Variants in GSK3B observed in about 807,000 individuals in gnomAD.
GSK3B encodes the protein glycogen synthase kinase-3 beta.
Under a neutral mutation model 56.4 loss-of-function variants are expected in GSK3B, and 15 were observed. That is an observed-to-expected ratio of 0.27 (90% CI 0.18 to 0.41). GSK3B has a LOEUF of 0.41. Ranked by LOEUF, GSK3B falls within the 10% of genes least tolerant of loss-of-function variation. GSK3B has a pLI of 1.00. For missense variants in GSK3B, 300 were observed against 513.4 expected (o/e 0.58, Z 4.02); for synonymous variants, 181 against 188.9 (o/e 0.96, Z 0.34).
chr3:119,831,423 C>G (rs555921041), intron 10 of GSK3B, among the ~76,000 whole-genome samples: 7 of 151,922 alleles, frequency 4.6e-5, no homozygotes, highest in Non-Finnish European at 8.8e-5. Context: ...TTTGGGAGGC[C>G]GAGGTGGGCG....
At chr3:120,046,333 C>G (rs1415003836) in intron 1 of GSK3B, among the ~76,000 whole-genome samples, 1 of 152,118 alleles carries the variant, frequency 6.6e-6, no homozygotes, top group Non-Finnish European at 1.5e-5. Flanking sequence ...AAATGTACCA[C>G]AGCATTGCAA....
chr3:119,827,061 G>A (rs868178193), intron 10 of GSK3B, among the ~76,000 whole-genome samples: 2 of 152,152 alleles, frequency 1.3e-5, no homozygotes, highest in African/African-American at 2.4e-5. Flanking sequence ...TCCTGGTACC[G>A]GGAAGACAGT....
At chr3:119,835,517 C>T (rs1338974440) in intron 10 of GSK3B, among the ~76,000 whole-genome samples, 1 of 152,088 alleles carries the variant, frequency 6.6e-6, no homozygotes, top group Non-Finnish European at 1.5e-5. Context: ...ATAGCCTAAG[C>T]CCATTTTTTA....
chr3:119,958,325 A>G (rs1420108980), intron 2 of GSK3B, among the ~76,000 whole-genome samples: 3 of 149,810 alleles, frequency 2.0e-5, no homozygotes, highest in African/African-American at 7.4e-5. Context: ...GTGAGAATGG[A>G]CTAACACAGA....
chr3:120,033,281 G>A (rs2057993368), intron 1 of GSK3B, among the ~76,000 whole-genome samples: 1 of 152,058 alleles, frequency 6.6e-6, no homozygotes, highest in Non-Finnish European at 1.5e-5. Flanking sequence ...TCTACTTTTA[G>A]CTATTATGAA....
chr3:119,948,810 T>G (rs1229725840), intron 2 of GSK3B, among the ~76,000 whole-genome samples: 1 of 152,200 alleles, frequency 6.6e-6, no homozygotes, highest in Non-Finnish European at 1.5e-5. Flanking sequence ...GCGATTCTCC[T>G]GCCTCAGCCT....
intron 4 of GSK3B, among the ~76,000 whole-genome samples, chr3:119,923,095 T>G (rs1486192731): frequency 1.3e-5 from 2 of 152,208 alleles, no homozygotes; most frequent in Non-Finnish European, 2.9e-5. Flanking sequence ...TAAATTAAAA[T>G]GTACTGTGGC....
At chr3:119,884,214 G>A (rs985230812) in intron 7 of GSK3B, among the ~76,000 whole-genome samples, 5 of 152,142 alleles carry the variant, frequency 3.3e-5, no homozygotes, top group Non-Finnish European at 7.4e-5. Context: ...AAACGACAGA[G>A]AAGTATCTTA....
chr3:119,875,815 A>C (rs552415851), intron 8 of GSK3B, among the ~76,000 whole-genome samples: 72 of 152,238 alleles, frequency 4.7e-4, no homozygotes, highest in Non-Finnish European at 9.0e-4. Context: ...TACATTAGCA[A>C]CTATGCTGTT....
chr3:119,899,302 T>C (rs772150798), intron 7 of GSK3B, among the ~76,000 whole-genome samples: 1 of 152,142 alleles, frequency 6.6e-6, no homozygotes, highest in Non-Finnish European at 1.5e-5. Context: ...TTAATGTTTC[T>C]GAACTGTGGT....
chr3:119,990,370 C>T (rs144739503), intron 2 of GSK3B, among the ~76,000 whole-genome samples: 42 of 152,274 alleles, frequency 2.8e-4, no homozygotes, highest in Non-Finnish European at 4.6e-4. Context: ...TAAGAGAAAG[C>T]GCTCCTGATC....
In GSK3B at chr3:119,948,858, C is replaced by T. The variant is rs964971908; in HGVS notation, c.283-1507G>A. Among the ~76,000 whole-genome samples, 4 of 152,206 alleles carry T rather than the reference C, an allele frequency of 2.6e-5. No homozygotes were observed. In the East Asian group the frequency reaches 7.7e-4, roughly 29 times the overall value. On this transcript the variant is annotated intron_variant, in intron 2 of 10. Coordinates refer to ENST00000264235, the MANE Select transcript of GSK3B (RefSeq NM_001146156.2). ...GGATTACAGGCGCCTGCCACCACGC[C>T]CAGCTAATTATTTTAATATTTTTAG...
At chr3:120,006,116 T>C (rs2057725243) in intron 1 of GSK3B, among the ~76,000 whole-genome samples, 1 of 151,396 alleles carries the variant, frequency 6.6e-6, no homozygotes, top group South Asian at 2.1e-4. Context: ...AAAAAAATCC[T>C]GGTCTCTGAT....
intron 1 of GSK3B, among the ~76,000 whole-genome samples, chr3:120,041,719 CAA>C (rs756324594): frequency 6.6e-6 from 1 of 152,110 alleles, no homozygotes; most frequent in Admixed American, 6.5e-5. Flanking sequence ...AAGGTCCGGC[CAA>C]AGTTAGGAGA....
At chr3:119,962,076 A>G (rs1334536490) in intron 2 of GSK3B, among the ~76,000 whole-genome samples, 1 of 152,220 alleles carries the variant, frequency 6.6e-6, no homozygotes, top group Non-Finnish European at 1.5e-5. Context: ...GAGCATGTGT[A>G]TATGAAAAGC....
At chr3:119,900,170 T>C (rs951857929) in intron 7 of GSK3B, among the ~76,000 whole-genome samples, 2 of 152,046 alleles carry the variant, frequency 1.3e-5, no homozygotes, top group African/African-American at 2.4e-5. Flanking sequence ...AATTTAAGTA[T>C]CAATATATTT....
chr3:119,866,532 TCCC>T (rs1553726042), intron 8 of GSK3B: 7 of 996,658 alleles, frequency 7.0e-6, no homozygotes, highest in Non-Finnish European at 1.1e-5. Context: ...AAAGAAGATT[TCCC>T]CCAAGTTTTA....
intron 1 of GSK3B, among the ~76,000 whole-genome samples, chr3:120,035,494 G>A (rs2058014573): frequency 6.6e-6 from 1 of 152,140 alleles, no homozygotes; most frequent in Non-Finnish European, 1.5e-5. Flanking sequence ...TTGTGCAAAG[G>A]GCAATTGGAA....
At chr3:119,924,002 CA>C (rs2056868102) in intron 3 of GSK3B, among the ~76,000 whole-genome samples, 1 of 152,124 alleles carries the variant, frequency 6.6e-6, no homozygotes, top group Non-Finnish European at 1.5e-5. Context: ...CTCTAACCTA[CA>C]CACACACAAA....
Sources: gnomAD v4.1 joint callset for allele counts (sites outside exome capture counted in the v4.1 genomes callset) on GRCh38, gnomAD v4.1.1 for gene constraint, MANE v1.5 for transcripts, NCBI Gene and HGNC (gene_info 2026-07-23, HGNC 2026-07-21) for gene names.